The following OLFML2A variants were observed in gnomAD, a reference collection of about 807,000 sequenced individuals.
OLFML2A encodes olfactomedin like 2A.
OLFML2A carries 47 observed loss-of-function variants against 60.9 expected under a neutral mutation model. That is an observed-to-expected ratio of 0.77 (90% CI 0.61 to 0.98). The LOEUF is 0.98. OLFML2A is among the 50% of genes least tolerant of loss of function. OLFML2A has a pLI of 0.00. For missense variants in OLFML2A, 922 were observed against 879.8 expected (o/e 1.05, Z -0.61); for synonymous variants, 372 against 375.0 (o/e 0.99, Z 0.09).
At chr9:124,786,438 G>A (rs1187526721) in intron 1 of OLFML2A, among the ~76,000 whole-genome samples, 2 of 149,692 alleles carry the variant, frequency 1.3e-5, no homozygotes, top group Non-Finnish European at 3.0e-5. Context: ...ATACACGCAC[G>A]GGCCGGGCGC....
chr9:124,810,039 G>A lies in OLFML2A; in HGVS notation c.1586G>A (p.Gly529Asp). 6.2e-7 allele frequency: 1 copy of A among 1,613,972 alleles called. No homozygotes were observed. Among genetic ancestry groups the A allele is most frequent in the Non-Finnish European group, 8.5e-7 (1 of 1,180,000 alleles). Residue 529 changes from glycine to aspartate, a missense_variant, in exon 8 of 8, where the codon GGC becomes GAC. Coordinates refer to ENST00000373580, the MANE Select transcript of OLFML2A (RefSeq NM_182487.4). ...SDIDFAVDES[G>D]LWVIYPAVDD... ...ATTGACTTTGCCGTGGACGAGAGCG[G>A]CCTGTGGGTCATCTACCCCGCCGTG...
chr9:124,801,130 C>A, intron 4 of OLFML2A: 2 of 1,401,912 alleles, frequency 1.4e-6, no homozygotes, highest in African/African-American at 1.4e-5. Context: ...GCCTGCCCCC[C>A]AGGGGGATTG....
At chr9:124,790,369 T>C (rs1275495517) in intron 2 of OLFML2A, among the ~76,000 whole-genome samples, 1 of 152,020 alleles carries the variant, frequency 6.6e-6, no homozygotes, top group African/African-American at 2.4e-5. Flanking sequence ...GAGATGGAGT[T>C]TCGCCATGTT....
chr9:124,797,188 T>C (rs1361994004), intron 3 of OLFML2A, among the ~76,000 whole-genome samples: 2 of 152,160 alleles, frequency 1.3e-5, no homozygotes, highest in Non-Finnish European at 2.9e-5. Flanking sequence ...ACCATGTTGC[T>C]CATGCTGGTC....
chr9:124,795,142 G>T lies in OLFML2A; in HGVS notation c.462+11G>T, dbSNP rs769400228. The T allele has an allele frequency of 5.9e-6, 9 of 1,524,240 alleles. No individual in the cohort carries two copies. The East Asian group carries it at 2.1e-4, about 35-fold the overall frequency. 94.4% of individuals were successfully genotyped at this position (1,524,240 alleles called of 1,614,324 possible). ...AACACACTGGAAGAGGTAAGGGCGGGGCTGCCGCCAGAGGCCAGGCTGCTC... is the reference window on the plus strand; with the variant it reads ...AACACACTGGAAGAGGTAAGGGCGGTGCTGCCGCCAGAGGCCAGGCTGCTC... On this transcript the variant is annotated intron_variant, in intron 3 of 7. Coordinates refer to ENST00000373580, the MANE Select transcript of OLFML2A (RefSeq NM_182487.4).
Position 124,777,742 on chromosome 9 carries a change from A to G in OLFML2A, c.90+382A>G, listed in dbSNP as rs1841283614. 6.6e-6 allele frequency among the ~76,000 whole-genome samples: 1 copy of G among 152,004 alleles called. No individual in the cohort carries two copies. The highest frequency in any genetic ancestry group is 2.1e-4 in the South Asian group (1 of 4,822). ...CAGCAAGCCCTGGGCCACGGCTTTC[A>G]CGGCCCGCTGGGGACTGGGGGTCTT... On this transcript the variant is annotated intron_variant, in intron 1 of 7. Transcript: ENST00000373580. The surrounding 1 kb of genome is among the most constrained non-coding windows in gnomAD (Gnocchi z 6.2).
In OLFML2A at chr9:124,799,446, C is replaced by CGCCGCCCCT. The variant is rs774658316; in HGVS notation, c.628_636dup (p.Ala210_Ala212dup). ...TCCAGCTGCTGCAGAAGGATGCCGC[C>CGCCGCCCCT]GCCGCCCCTGCCACCCCTGCCACGG... On this transcript the variant is annotated inframe_insertion, in exon 4 of 8. Coordinates refer to ENST00000373580, the MANE Select transcript of OLFML2A (RefSeq NM_182487.4). The CGCCGCCCCT allele has an allele frequency of 8.1e-6, 13 of 1,608,038 alleles. No individual in the cohort carries two copies. The highest frequency in any genetic ancestry group is 5.3e-5 in the African/African-American group (4 of 74,864).
chr9:124,795,356 C>T (rs1485514976), intron 3 of OLFML2A, among the ~76,000 whole-genome samples: 2 of 152,184 alleles, frequency 1.3e-5, no homozygotes, highest in East Asian at 1.9e-4. Context: ...GTGGAGAAAC[C>T]GAGGCACCTG....
In OLFML2A at chr9:124,799,411, C is replaced by G. The variant is rs373758626; in HGVS notation, c.589C>G (p.Arg197Gly). Residue 197 changes from arginine to glycine, a missense_variant, in exon 4 of 8, where the codon CGC becomes GGC. Physicochemically the swap from Arg to Gly is moderately radical, Grantham distance 125 (BLOSUM62 -2). Transcript: ENST00000373580. ...GCTGGGCATCAAGAAGGAGCTGTCCCGCCTGGGCCTCCAGCTGCTGCAGAA... is the reference window on the plus strand; with the variant it reads ...GCTGGGCATCAAGAAGGAGCTGTCCGGCCTGGGCCTCCAGCTGCTGCAGAA... ...IMLGIKKELS[R>G]LGLQLLQKDA... 6.2e-7 allele frequency: 1 copy of G among 1,613,674 alleles called. No homozygotes were observed. The highest frequency in any genetic ancestry group is 8.5e-7 in the Non-Finnish European group (1 of 1,179,950).
chr9:124,798,142 T>A (rs1444405545), intron 3 of OLFML2A, among the ~76,000 whole-genome samples: 1 of 152,224 alleles, frequency 6.6e-6, no homozygotes, highest in Non-Finnish European at 1.5e-5. Flanking sequence ...CAGAAGATAT[T>A]TATGTATTAT....
rs16927649 is a variant in OLFML2A, at chr9:124,807,886, G to T, written c.1274G>T (p.Arg425Leu). 1.9e-6 allele frequency: 3 copies of T among 1,614,048 alleles called. No individual in the cohort carries two copies. Among genetic ancestry groups the T allele is most frequent in the African/African-American group, 2.7e-5 (2 of 74,920 alleles). ...GCCTGGATGAAGGACCCTGCAGCTC[G>T]AGACGACAGGATCTATGTCACCAAC... ...EGAWMKDPAA[R>L]DDRIYVTNYY... The change falls in exon 7 of 8, where the codon CGA becomes CTA. Residue 425 changes from arginine (R) to leucine (L), a missense_variant. Physicochemically the swap from Arg to Leu is moderately radical, Grantham distance 102. Transcript: ENST00000373580.
rs1841277889 is a variant in OLFML2A at position 124,777,395 on chromosome 9, G to A, written c.90+35G>A. 1 of 1,228,692 alleles carries A rather than the reference G, an allele frequency of 8.1e-7. No homozygotes were observed. Among genetic ancestry groups the A allele is most frequent in the Admixed American group, 4.3e-5 (1 of 23,362 alleles). 76.1% of individuals were successfully genotyped at this position (1,228,692 alleles called of 1,614,324 possible). ...CCCCTCGGACCCGCGCGGCTCGGCG[G>A]GTAGCGGGGCGCGAGGGGGCGCTGT... On this transcript the variant is annotated intron_variant, in intron 1 of 7. Coordinates refer to ENST00000373580, the MANE Select transcript of OLFML2A (RefSeq NM_182487.4). The surrounding 1 kb of genome is among the most constrained non-coding windows in gnomAD (Gnocchi z 6.2).
rs778968543 is a variant in OLFML2A at position 124,804,243 on chromosome 9, T to G, written c.1069T>G (p.Ser357Ala). ...RVDLASGTPT[S>A]IPATTTTATT... is the part of the protein sequence containing the mutation. ...GGACCTGGCTTCTGGCACCCCCACT[T>G]CAATCCCTGCCACCACCACCACCGC... The change falls in exon 6 of 8, where the codon TCA (serine) becomes GCA (alanine). Residue 357 changes from serine to alanine, a missense_variant. By Grantham distance (99) the Ser-to-Ala change is moderately conservative. Coordinates refer to ENST00000373580, the MANE Select transcript of OLFML2A (RefSeq NM_182487.4). 1.2e-6 allele frequency: 2 copies of G among 1,612,576 alleles called. No individual in the cohort carries two copies. Among genetic ancestry groups the G allele is most frequent in the Non-Finnish European group, 1.7e-6 (2 of 1,179,536 alleles).
Position 124,786,985 on chromosome 9 carries a change from A to T in OLFML2A, c.101A>T (p.Asp34Val). 1 of 1,610,716 alleles carries T rather than the reference A, an allele frequency of 6.2e-7. No individual in the cohort carries two copies. Among genetic ancestry groups the T allele is most frequent in the East Asian group, 2.2e-5 (1 of 44,754 alleles). The change falls in exon 2 of 8, where the codon GAC becomes GTC. Residue 34 changes from aspartate to valine, a missense_variant. Physicochemically the swap from Asp to Val is radical, Grantham distance 152. Coordinates refer to ENST00000373580, the MANE Select transcript of OLFML2A (RefSeq NM_182487.4). ...TGCCCCCCGCAACAGGTGTTTGGGGACCTGGACCAGGTGAGGATGACCTCG... is the reference window on the plus strand; with the variant it reads ...TGCCCCCCGCAACAGGTGTTTGGGGTCCTGGACCAGGTGAGGATGACCTCG... Reference protein sequence around the residue: ...PTRADSKVFGDLDQVRMTSEG... With the variant: ...PTRADSKVFGVLDQVRMTSEG...
intron 6 of OLFML2A, among the ~76,000 whole-genome samples, chr9:124,807,247 C>T (rs1841912866): frequency 6.6e-6 from 1 of 151,028 alleles, no homozygotes; most frequent in African/African-American, 2.4e-5. Flanking sequence ...TTAGATTCCA[C>T]ATATAATGAA....
Position 124,809,892 on chromosome 9 carries a change from G to T in OLFML2A, c.1439G>T (p.Arg480Leu), listed in dbSNP as rs760146826. 1 of 1,614,186 alleles carries T rather than the reference G, an allele frequency of 6.2e-7. No individual in the cohort carries two copies. Among genetic ancestry groups the T allele is most frequent in the Admixed American group, 1.7e-5 (1 of 60,026 alleles). Residue 480 changes from arginine (R) to leucine (L), a missense_variant, in exon 8 of 8, where the codon CGC (arginine) becomes CTC (leucine). Arg to Leu is a moderately radical substitution (Grantham distance 102). Transcript: ENST00000373580. ...VVYQGAFYYNRAFTKNIIKYD... is the reference protein window; with the variant it reads ...VVYQGAFYYNLAFTKNIIKYD... ...TACCAGGGCGCCTTCTACTACAACC[G>T]CGCCTTCACCAAGAACATCATCAAG...
At chr9:124,780,121 G>A (rs1441760180) in intron 1 of OLFML2A, among the ~76,000 whole-genome samples, 2 of 152,198 alleles carry the variant, frequency 1.3e-5, no homozygotes, top group African/African-American at 2.4e-5. Flanking sequence ...GTGCTTTGTC[G>A]GGGCTGGGAG....
In OLFML2A at chr9:124,810,277, C is replaced by T. The variant is rs776529250; in HGVS notation, c.1824C>T (p.Thr608=). ...ACGCTTTCGACACGCACACGGGCAC[C>T]GACGCACGCCCCCAGCTGCCGTTCC... ...VAYAFDTHTG[T]DARPQLPFLN... Residue 608 remains threonine (T), a synonymous_variant, in exon 8 of 8, where the codon ACC becomes ACT. Coordinates refer to ENST00000373580, the MANE Select transcript of OLFML2A (RefSeq NM_182487.4). The T allele has an allele frequency of 2.5e-5, 41 of 1,610,654 alleles. No homozygotes were observed. The highest frequency in any genetic ancestry group is 1.7e-4 in the Middle Eastern group (1 of 6,060).
intron 3 of OLFML2A, among the ~76,000 whole-genome samples, chr9:124,796,980 C>T (rs895755137): frequency 2.0e-5 from 3 of 152,196 alleles, no homozygotes; most frequent in Non-Finnish European, 4.4e-5. Flanking sequence ...TGACTTCTGT[C>T]ATCCCTGGGA....
Sources: gnomAD v4.1 joint callset for allele counts (sites outside exome capture counted in the v4.1 genomes callset) on GRCh38, gnomAD v4.1.1 for gene constraint, Gnocchi (gnomAD v3.1) non-coding constraint, MANE v1.5 for transcripts, NCBI Gene and HGNC (gene_info 2026-07-23, HGNC 2026-07-21) for gene names.